The following ACACA variants were observed in gnomAD, a reference collection of about 807,000 sequenced individuals.
ACACA encodes the protein acetyl-CoA carboxylase alpha, also known as acetyl-CoA carboxylase 1.
In ACACA, 103 loss-of-function variants were observed where a neutral mutation model predicts 296.1. That is an observed-to-expected ratio of 0.35 (90% confidence interval 0.30 to 0.41). The LOEUF (loss-of-function observed/expected upper bound fraction) is 0.41. Ranked by LOEUF, ACACA falls within the 10% of genes least tolerant of loss-of-function variation. The probability of loss-of-function intolerance (pLI) is 1.00; values close to 1 mark genes in which losing one functional copy is unlikely to be tolerated. For synonymous variants in ACACA, 953 were observed against 1,038.6 expected (o/e 0.92, Z 1.58); for missense variants, 1,554 against 2,989.7 (o/e 0.52, Z 11.20).
At chr17:37,088,121 T>C (rs2072345441) in intron 55 of ACACA, among the ~76,000 whole-genome samples, 1 of 152,192 alleles carries the variant, frequency 6.6e-6, no homozygotes, top group South Asian at 2.1e-4. Context: ...GTGCCTCACC[T>C]GCATCTCATC....
At position 37,202,101 on chromosome 17, in the gene ACACA, T is replaced by A. The variant is rs533159729; in HGVS notation, c.4057-1618A>T. 2.0e-5 allele frequency among the ~76,000 whole-genome samples: 3 copies of A among 152,232 alleles called. No individual in the cohort carries two copies. In the South Asian group the frequency reaches 6.2e-4, roughly 32 times the overall value. ...TTGACACAACAATATGAAAAAAATG[T>A]GTCGAAGGAAAGGAGGGGTTTCTCA... is the stretch of plus-strand genomic sequence containing the variant. On this transcript the variant is annotated intron_variant, in intron 33 of 55. Coordinates refer to ENST00000616317, the MANE Select transcript of ACACA (RefSeq NM_198834.3).
chr17:37,213,707 T>C (rs578062399), intron 29 of ACACA, among the ~76,000 whole-genome samples: 64 of 152,308 alleles, frequency 4.2e-4, no homozygotes, highest in African/African-American at 1.4e-3. Context: ...AGAGAAATCC[T>C]GTGAATTCTG....
At chr17:37,304,546 G>A (rs1010630666) in intron 3 of ACACA, among the ~76,000 whole-genome samples, 1 of 152,134 alleles carries the variant, frequency 6.6e-6, no homozygotes, top group African/African-American at 2.4e-5. Context: ...TATAATCCCA[G>A]CACTTTGGAA....
At chr17:37,224,813 T>C (rs937531629) in intron 27 of ACACA, among the ~76,000 whole-genome samples, 179 bp downstream of exon 27, 1 of 151,974 alleles carries the variant, frequency 6.6e-6, no homozygotes, top group Non-Finnish European at 1.5e-5. Flanking sequence ...ACAGCATTTG[T>C]ATGAAAAAAA....
chr17:37,210,443 G>A, intron 30 of ACACA, 24 bp downstream of exon 30: 1 of 1,607,958 alleles, frequency 6.2e-7, no homozygotes, highest in Non-Finnish European at 8.5e-7. Flanking sequence ...CTTTTAATTG[G>A]AAAAGAAACT....
chr17:37,193,909 T>C (rs942006746), intron 35 of ACACA, among the ~76,000 whole-genome samples: 1 of 152,140 alleles, frequency 6.6e-6, no homozygotes, highest in Non-Finnish European at 1.5e-5. Context: ...AGGGTTTAAA[T>C]GATAACATTT....
intron 25 of ACACA, among the ~76,000 whole-genome samples, chr17:37,227,079 T>C (rs2079573507): frequency 1.3e-5 from 2 of 152,196 alleles, no homozygotes; most frequent in Admixed American, 6.5e-5. Context: ...TGTGAATCCT[T>C]AGCTGAATTA....
chr17:37,111,448 G>C (rs1468015763), intron 52 of ACACA, 83 bp downstream of exon 52: 2 of 974,988 alleles, frequency 2.1e-6, no homozygotes, highest in Non-Finnish European at 3.3e-6. Context: ...ATGCTTCAGT[G>C]CCTCCTCCCC....
At chr17:37,147,739 G>A (rs151152790) in intron 45 of ACACA, among the ~76,000 whole-genome samples, 2 of 152,330 alleles carry the variant, frequency 1.3e-5, no homozygotes, top group East Asian at 1.9e-4. Flanking sequence ...CCTTTTGGAA[G>A]TGAGCATTGT....
At chr17:37,133,313 T>G (rs1485049065) in intron 45 of ACACA, among the ~76,000 whole-genome samples, 1 of 152,184 alleles carries the variant, frequency 6.6e-6, no homozygotes, top group Non-Finnish European at 1.5e-5. Flanking sequence ...GACCACATGT[T>G]TGGAGTATGC....
intron 30 of ACACA, among the ~76,000 whole-genome samples, chr17:37,208,776 A>C (rs1397111713): frequency 6.6e-6 from 1 of 152,224 alleles, no homozygotes; most frequent in African/African-American, 2.4e-5. Flanking sequence ...CCTGTTAGGA[A>C]GGACCAAGCT....
chr17:37,170,746 T>G (rs1250867643), intron 41 of ACACA, among the ~76,000 whole-genome samples: 1 of 152,188 alleles, frequency 6.6e-6, no homozygotes, highest in Middle Eastern at 3.2e-3. Flanking sequence ...ACACAAAGTG[T>G]CAACACTAAT....
At chr17:37,260,146 T>C (rs2081382646) in intron 11 of ACACA, among the ~76,000 whole-genome samples, 1 of 149,374 alleles carries the variant, frequency 6.7e-6, no homozygotes, top group South Asian at 2.1e-4. Flanking sequence ...CCTACCAAAG[T>C]GCTGGGATTA....
intron 1 of ACACA, chr17:37,387,770 GTCC>G (rs1445720470): frequency 6.6e-6 from 1 of 152,118 alleles, no homozygotes; most frequent in Non-Finnish European, 1.5e-5. Context: ...TTTAGCAACA[GTCC>G]TCCTTAAATT....
intron 3 of ACACA, among the ~76,000 whole-genome samples, chr17:37,309,663 C>T (rs2084041082): frequency 6.6e-6 from 1 of 151,990 alleles, no homozygotes; most frequent in Non-Finnish European, 1.5e-5. Context: ...ACTATCTTTT[C>T]AGGGGAACTG....
rs540746188 is a variant in ACACA at position 37,143,720 on chromosome 17, T to G, written c.5679+6144A>C. On this transcript the variant is annotated intron_variant, in intron 45 of 55. Transcript: ENST00000616317. ...ATCTTCTTCATCTTCCTCCTCCTCA[T>G]CCTCTTCATCTTCCTCATCTTCCTT... is the stretch of plus-strand genomic sequence containing the variant. 3 of 902,188 alleles carry G rather than the reference T, an allele frequency of 3.3e-6. No homozygotes were observed. In the African/African-American group the frequency reaches 4.9e-5, roughly 15 times the overall value. The allele number at this position is 902,188 out of a possible 1,614,324, so 55.9% of individuals were successfully genotyped here. A position where few individuals can be genotyped will look rare whatever the true frequency, so the allele number is the denominator to read the frequency against.
chr17:37,377,709 A>C (rs1402982289), intron 1 of ACACA, among the ~76,000 whole-genome samples: 1 of 151,934 alleles, frequency 6.6e-6, no homozygotes, highest in South Asian at 2.1e-4. Flanking sequence ...AAATAAAAGT[A>C]AAGTCTTTTT....
At chr17:37,266,530 A>C (rs2081787731) in intron 10 of ACACA, among the ~76,000 whole-genome samples, 1 of 151,436 alleles carries the variant, frequency 6.6e-6, no homozygotes, top group Non-Finnish European at 1.5e-5. Context: ...ATTAGCTACT[A>C]CCTTAAAGAT....
At chr17:37,129,979 C>T (rs1001547440) in intron 46 of ACACA, 96 bp downstream of exon 46, 8 of 1,504,100 alleles carry the variant, frequency 5.3e-6, no homozygotes, top group East Asian at 2.3e-5. Context: ...AAAATTCCTC[C>T]ACCATAAAGA....
Sources: allele counts gnomAD v4.1 joint callset (sites outside exome capture counted in the v4.1 genomes callset), GRCh38; gene constraint gnomAD v4.1.1; transcripts MANE v1.5; gene names NCBI Gene and HGNC (gene_info 2026-07-23, HGNC 2026-07-21).